UBAC2: variants seen among roughly 807,000 people sequenced by gnomAD.
UBAC2 encodes the protein UBA domain containing 2, also known as ubiquitin-associated domain-containing protein 2.
In UBAC2, 26 loss-of-function variants were observed where a neutral mutation model predicts 44.0. That is an observed-to-expected ratio of 0.59 (90% confidence interval 0.43 to 0.82). The LOEUF (loss-of-function observed/expected upper bound fraction) is 0.82. Ranked by LOEUF, UBAC2 falls within the 40% of genes least tolerant of loss-of-function variation. The pLI is 0.00. For missense variants in UBAC2, 329 were observed against 419.4 expected (o/e 0.78, Z 1.88); for synonymous variants, 155 against 154.3 (o/e 1.00, Z -0.04).
chr13:99,380,422 G>A (rs2045536457), intron 8 of UBAC2, among the ~76,000 whole-genome samples: 1 of 152,156 alleles, frequency 6.6e-6, no homozygotes, highest in East Asian at 1.9e-4. Context: ...AGCAGTAATT[G>A]TTAGTGTCCA....
At chr13:99,356,419 T>G (rs954178158) in intron 7 of UBAC2, among the ~76,000 whole-genome samples, 1 of 152,204 alleles carries the variant, frequency 6.6e-6, no homozygotes, top group East Asian at 1.9e-4. Context: ...GCCAAAAGGT[T>G]CTCAAAACTG....
chr13:99,330,420 C>T (rs550985917), intron 6 of UBAC2, among the ~76,000 whole-genome samples: 99 of 126,186 alleles, frequency 7.8e-4, no homozygotes, highest in African/African-American at 2.8e-3. Flanking sequence ...GATCATGCCA[C>T]TGCACTCCAG....
chr13:99,349,877 A>G (rs2045054160), intron 7 of UBAC2, among the ~76,000 whole-genome samples: 1 of 152,112 alleles, frequency 6.6e-6, no homozygotes, highest in South Asian at 2.1e-4. Context: ...GCCTCCCACA[A>G]GAAGGTGGTG....
chr13:99,218,208 T>C (rs9585023), intron 1 of UBAC2, among the ~76,000 whole-genome samples: 30,866 of 152,252 alleles, frequency 0.2, 3,534 homozygotes, highest in Middle Eastern at 0.36. Flanking sequence ...CATTTAATCA[T>C]AGTGTTAATG....
chr13:99,209,147 G>T (rs936393062), intron 1 of UBAC2, among the ~76,000 whole-genome samples: 1 of 152,202 alleles, frequency 6.6e-6, no homozygotes, highest in Admixed American at 6.5e-5. Flanking sequence ...TCCCAGGTTG[G>T]AGATCCACTG....
chr13:99,340,198 A>G (rs1038304871), intron 6 of UBAC2, 122 bp from the exon 7 acceptor site: 2 of 1,086,344 alleles, frequency 1.8e-6, no homozygotes, highest in African/African-American at 3.2e-5. Context: ...CTTATTGCCT[A>G]ACACTGCTAT....
At position 99,241,756 on chromosome 13, in the gene UBAC2, T is replaced by A. The variant is rs577291411; in HGVS notation, c.160-2076T>A. 2.2e-3 allele frequency among the ~76,000 whole-genome samples: 331 copies of A among 151,442 alleles called. 1 individual carries two copies. The highest frequency in any genetic ancestry group is 7.3e-3 in the African/African-American group (302 of 41,260). ...TTTTTTTTTCAACTTTTTTTTTTTT[T>A]ATTGATCATTCTTGGGTGTTTCTCG... On this transcript the variant is annotated intron_variant, in intron 2 of 8. Coordinates refer to ENST00000403766, the MANE Select transcript of UBAC2 (RefSeq NM_001144072.2).
Position 99,230,952 on chromosome 13 carries a change from G to A in UBAC2, c.32-7475G>A, listed in dbSNP as rs535631050. Reference sequence around the variant, plus strand: ...TAGTCCCAGCTACTCAGGGGGCTGAGGCAGGAGAATCGCTAAACCCGGTAG... The same window carrying A: ...TAGTCCCAGCTACTCAGGGGGCTGAAGCAGGAGAATCGCTAAACCCGGTAG... On this transcript the variant is annotated intron_variant, in intron 1 of 8. Coordinates refer to ENST00000403766, the MANE Select transcript of UBAC2 (RefSeq NM_001144072.2). Among the ~76,000 whole-genome samples the A allele has an allele frequency of 2.2e-3, 339 of 152,270 alleles. 3 individuals carry two copies. The highest frequency in any genetic ancestry group is 8.1e-3 in the South Asian group (39 of 4,824).
intron 8 of UBAC2, among the ~76,000 whole-genome samples, chr13:99,373,960 C>T (rs1055119437): frequency 6.6e-6 from 1 of 152,204 alleles, no homozygotes; most frequent in Non-Finnish European, 1.5e-5. Flanking sequence ...CATGGTGCAA[C>T]TGCCCAGACA....
intron 6 of UBAC2, among the ~76,000 whole-genome samples, chr13:99,319,063 AGTCAG>A (rs1222334121): frequency 2.6e-5 from 4 of 152,216 alleles, no homozygotes; most frequent in Non-Finnish European, 5.9e-5. Context: ...CCAACTGGAA[AGTCAG>A]GTGGGTTGGA....
chr13:99,347,495 C>T (rs1472431433), intron 7 of UBAC2, among the ~76,000 whole-genome samples: 1 of 152,022 alleles, frequency 6.6e-6, no homozygotes, highest in Non-Finnish European at 1.5e-5. Flanking sequence ...TGACTGGCTG[C>T]CCTCATTCTG....
intron 6 of UBAC2, among the ~76,000 whole-genome samples, chr13:99,331,883 G>C (rs1266765198): frequency 6.6e-6 from 1 of 151,916 alleles, no homozygotes; most frequent in African/African-American, 2.4e-5. Context: ...TCAGTGTTTA[G>C]AACATAGGCT....
At chr13:99,358,205 G>C (rs2045215803) in intron 7 of UBAC2, among the ~76,000 whole-genome samples, 1 of 152,188 alleles carries the variant, frequency 6.6e-6, no homozygotes, top group Non-Finnish European at 1.5e-5. Context: ...GGTAAGCCCA[G>C]GTAAGAAATT....
chr13:99,242,152 C>T (rs886659408), intron 2 of UBAC2, among the ~76,000 whole-genome samples: 19 of 152,134 alleles, frequency 1.2e-4, no homozygotes, highest in East Asian at 9.7e-4. Context: ...TACACAGAGA[C>T]GGCAACCATC....
At chr13:99,203,300 T>C (rs1469701863) in intron 1 of UBAC2, among the ~76,000 whole-genome samples, 1 of 152,164 alleles carries the variant, frequency 6.6e-6, no homozygotes, top group Non-Finnish European at 1.5e-5. Flanking sequence ...CCTCCAAAAG[T>C]GCTGGGATTA....
intron 4 of UBAC2, among the ~76,000 whole-genome samples, chr13:99,287,643 CTTTTTTT>C (rs11304203): frequency 1.1e-5 from 1 of 95,152 alleles, no homozygotes; most frequent in Admixed American, 1.2e-4. Flanking sequence ...TTTTTTCTTT[CTTTTTTT>C]TTTTTTTTTT....
intron 2 of UBAC2, among the ~76,000 whole-genome samples, chr13:99,242,675 C>CG (rs1951298557): frequency 1.0e-3 from 3 of 2,906 alleles, no homozygotes; most frequent in Admixed American, 3.1e-3. Flanking sequence ...GCTGGCCGGG[C>CG]GGGGGGCTGA....
intron 4 of UBAC2, among the ~76,000 whole-genome samples, chr13:99,273,574 CCT>C (rs1225311925): frequency 6.6e-6 from 1 of 152,032 alleles, no homozygotes; most frequent in African/African-American, 2.4e-5. Context: ...TAGGTACCTA[CCT>C]CTTAAGGTAG....
intron 1 of UBAC2, among the ~76,000 whole-genome samples, chr13:99,211,613 C>G (rs1405945077): frequency 6.6e-6 from 1 of 152,246 alleles, no homozygotes; most frequent in Non-Finnish European, 1.5e-5. Flanking sequence ...CACAGTTACT[C>G]TTCCCAATTT....
Sources: gnomAD v4.1 joint callset for allele counts (sites outside exome capture counted in the v4.1 genomes callset) on GRCh38, gnomAD v4.1.1 for gene constraint, MANE v1.5 for transcripts, NCBI Gene and HGNC (gene_info 2026-07-23, HGNC 2026-07-21) for gene names.